Variants in TBC1D9 observed in about 807,000 individuals in gnomAD.
The protein encoded by TBC1D9 is TBC1 domain family member 9A.
Under a neutral mutation model 132.0 loss-of-function variants are expected in TBC1D9, and 63 were observed. That is an observed-to-expected ratio of 0.48 (90% CI 0.39 to 0.59). The LOEUF (loss-of-function observed/expected upper bound fraction) is 0.59. Among genes scored for constraint, TBC1D9 ranks in the 20% least tolerant of loss-of-function variants. TBC1D9 has a pLI of 0.00. For missense variants in TBC1D9, 1,261 were observed against 1,592.7 expected, an observed-to-expected ratio of 0.79 and a Z score of 3.54; for synonymous variants, 610 against 609.9, an observed-to-expected ratio of 1.00 and a Z score of 0.00.
intron 13 of TBC1D9, among the ~76,000 whole-genome samples, chr4:140,652,421 G>A (rs1737201190): frequency 6.6e-6 from 1 of 152,082 alleles, no homozygotes; most frequent in South Asian, 2.1e-4. Flanking sequence ...CAAGAAGAAT[G>A]CTCTTCAGTC....
chr4:140,627,468 C>T lies in TBC1D9; in HGVS notation c.2872G>A (p.Glu958Lys), dbSNP rs1736727077. ...SAFEATQYFF[E>K]DITPECTHVV... ...TGTGTACATTCTGGGGTAATATCTT[C>T]AAAGAAGTACTGAGTTGCTTCAAAA... Residue 958 changes from glutamate (E) to lysine (K), a missense_variant, in exon 18 of 21, where the codon GAA becomes AAA. Glu to Lys is a moderately conservative substitution (Grantham distance 56). This residue lies in a region of TBC1D9 where 618 missense variants were observed against 724.4 expected (regional missense o/e 0.85). Transcript: ENST00000442267. 2 of 1,610,364 alleles carry T rather than the reference C, an allele frequency of 1.2e-6. No individual in the cohort carries two copies. The highest frequency in any genetic ancestry group is 1.7e-6 in the Non-Finnish European group (2 of 1,177,784).
chr4:140,723,053 A>C (rs1027651650), intron 1 of TBC1D9, among the ~76,000 whole-genome samples: 1 of 152,148 alleles, frequency 6.6e-6, no homozygotes, highest in African/African-American at 2.4e-5. Context: ...CACAGGACCC[A>C]CTCATTAGAG....
chr4:140,724,428 A>G (rs1396239489), intron 1 of TBC1D9, among the ~76,000 whole-genome samples: 1 of 152,186 alleles, frequency 6.6e-6, no homozygotes, highest in African/African-American at 2.4e-5. Context: ...TGGCCCAGGT[A>G]CACAGCGGCC....
intron 1 of TBC1D9, among the ~76,000 whole-genome samples, chr4:140,719,765 T>C (rs1301128523): frequency 6.6e-6 from 1 of 152,138 alleles, no homozygotes; most frequent in African/African-American, 2.4e-5. Flanking sequence ...AGTTCAAGGG[T>C]ACATAGCTCA....
rs554002982 is a variant in TBC1D9 at position 140,722,068 on chromosome 4, T to C, written c.131-20454A>G. Among the ~76,000 whole-genome samples, 7 of 152,304 alleles carry C rather than the reference T, an allele frequency of 4.6e-5. No homozygotes were observed. The South Asian group carries it at 1.5e-3, about 32-fold the overall frequency. On this transcript the variant is annotated intron_variant, in intron 1 of 20. Coordinates refer to ENST00000442267, the MANE Select transcript of TBC1D9 (RefSeq NM_015130.3). Reference sequence around the variant, plus strand: ...CTGTCCTGGGACTCCTATAGGAGTCTGTTTTTTAATCAATGGAAGTAGTTA... The same window carrying C: ...CTGTCCTGGGACTCCTATAGGAGTCCGTTTTTTAATCAATGGAAGTAGTTA...
chr4:140,675,213 C>G (rs1336651290), intron 6 of TBC1D9, among the ~76,000 whole-genome samples: 7 of 132,730 alleles, frequency 5.3e-5, no homozygotes, highest in Admixed American at 1.5e-4. Context: ...CTAGGGCGGA[C>G]TTTTCTCTTT....
intron 13 of TBC1D9, chr4:140,642,565 G>C (rs1737020829): frequency 3.0e-6 from 3 of 1,014,624 alleles, no homozygotes; most frequent in Non-Finnish European, 1.5e-6. Context: ...TGTCGAGCTT[G>C]CTTGCCAACT....
chr4:140,694,841 C>T (rs1317862493), intron 2 of TBC1D9, among the ~76,000 whole-genome samples: 1 of 150,942 alleles, frequency 6.6e-6, no homozygotes, highest in Non-Finnish European at 1.5e-5. Flanking sequence ...CTTTTTTATT[C>T]ATTTTATGTA....
At chr4:140,723,481 G>A (rs1365763116) in intron 1 of TBC1D9, among the ~76,000 whole-genome samples, 1 of 152,120 alleles carries the variant, frequency 6.6e-6, no homozygotes. Context: ...CTACAGGTGT[G>A]CACCACCATG....
At chr4:140,712,571 T>C (rs1337292835) in intron 1 of TBC1D9, among the ~76,000 whole-genome samples, 1 of 150,844 alleles carries the variant, frequency 6.6e-6, no homozygotes, top group Non-Finnish European at 1.5e-5. Flanking sequence ...TGAAAGCCCA[T>C]CTCTACTAAA....
At chr4:140,702,688 C>A (rs541609185) in intron 1 of TBC1D9, among the ~76,000 whole-genome samples, 2 of 152,118 alleles carry the variant, frequency 1.3e-5, no homozygotes, top group African/African-American at 4.8e-5. Context: ...CACACTGAAG[C>A]GGGATTGGCA....
Position 140,686,404 on chromosome 4 carries a change from C to G in TBC1D9, c.300G>C (p.Gln100His). The change falls in exon 3 of 21, where the codon CAG becomes CAC. Residue 100 changes from glutamine to histidine, a missense_variant. Physicochemically the swap from Gln to His is conservative, Grantham distance 24 (BLOSUM62 0). Coordinates refer to ENST00000442267, the MANE Select transcript of TBC1D9 (RefSeq NM_015130.3). ...HWEWLEQNLLQTLSIFENEND... is the reference protein window; with the variant it reads ...HWEWLEQNLLHTLSIFENEND... The stretch of plus-strand genomic sequence containing the variant: ...TCTCATTTTCAAAGATGGAGAGTGT[C>G]TGCAAGAGATTTTGCTCAAGCCATT... The G allele has an allele frequency of 6.2e-7, 1 of 1,612,916 alleles. No individual in the cohort carries two copies. Among genetic ancestry groups the G allele is most frequent in the South Asian group, 1.1e-5 (1 of 90,952 alleles).
chr4:140,747,964 T>C (rs1240552405), intron 1 of TBC1D9, among the ~76,000 whole-genome samples: 1 of 152,198 alleles, frequency 6.6e-6, no homozygotes, highest in African/African-American at 2.4e-5. Context: ...AAAATAACAT[T>C]ATCTTCTCCT....
chr4:140,746,207 G>A (rs180963770), intron 1 of TBC1D9, among the ~76,000 whole-genome samples: 30 of 152,204 alleles, frequency 2.0e-4, no homozygotes, highest in Admixed American at 6.5e-4. Context: ...AAAGTTCAGC[G>A]CCCTAAACAT....
At chr4:140,726,708 T>C (rs969699857) in intron 1 of TBC1D9, among the ~76,000 whole-genome samples, 20 of 152,242 alleles carry the variant, frequency 1.3e-4, no homozygotes, top group Non-Finnish European at 2.2e-4. Context: ...GAGATTGTTT[T>C]GTTAAAACTA....
chr4:140,708,214 C>T (rs1213988044), intron 1 of TBC1D9, among the ~76,000 whole-genome samples: 3 of 152,064 alleles, frequency 2.0e-5, no homozygotes, highest in Non-Finnish European at 2.9e-5. Context: ...AGCAAATCTG[C>T]CTTAAATAAT....
At chr4:140,745,015 A>G (rs1175414675) in intron 1 of TBC1D9, among the ~76,000 whole-genome samples, 2 of 152,054 alleles carry the variant, frequency 1.3e-5, no homozygotes, top group Admixed American at 6.6e-5. Context: ...ATAGATAATA[A>G]CTCTTTAAAC....
Position 140,756,110 on chromosome 4 carries a change from G to C in TBC1D9, c.-65C>G. ...GGTCCAGTCCTGCACCCACCACCGC[G>C]ACAGGCGCGCACTCCTGGGCACACG... On this transcript the variant is annotated 5_prime_UTR_variant, in exon 1 of 21. Transcript: ENST00000442267. The surrounding 1 kb of genome is among the most constrained non-coding windows in gnomAD (Gnocchi z 5.6). 3.5e-6 allele frequency: 5 copies of C among 1,437,302 alleles called. No homozygotes were observed. The South Asian group carries it at 6.4e-5, about 19-fold the overall frequency. The allele number at this position is 1,437,302 out of a possible 1,614,324, so 89.0% of individuals were successfully genotyped here.
At chr4:140,751,757 C>T (rs888925729) in intron 1 of TBC1D9, among the ~76,000 whole-genome samples, 15 of 151,976 alleles carry the variant, frequency 9.9e-5, no homozygotes, top group African/African-American at 2.7e-4. Context: ...AAAGACAATC[C>T]GGTTGAAAAA....
Sources: gnomAD v4.1 joint callset for allele counts (sites outside exome capture counted in the v4.1 genomes callset) on GRCh38, gnomAD v4.1.1 for gene constraint, gnomAD v4.1.1 regional missense constraint, Gnocchi (gnomAD v3.1) non-coding constraint, MANE v1.5 for transcripts, NCBI Gene and HGNC (gene_info 2026-07-23, HGNC 2026-07-21) for gene names.